The following TAS2R1 variants were observed in gnomAD, a reference collection of about 807,000 sequenced individuals.
TAS2R1 encodes the protein taste 2 receptor member 1.
For synonymous variants in TAS2R1, 141 were observed against 134.2 expected, an observed-to-expected ratio of 1.05 and a Z score of -0.35; for missense variants, 370 against 353.4, an observed-to-expected ratio of 1.05 and a Z score of -0.38.
chr5:9,719,958 C>T, the TAS2R1 span, among the ~76,000 whole-genome samples: 18 of 149,572 alleles, frequency 1.2e-4, no homozygotes, highest in Non-Finnish European at 2.2e-4. Flanking sequence ...AAACAAACTA[C>T]CCCTCTATGC....
the TAS2R1 span, among the ~76,000 whole-genome samples, chr5:9,755,621 A>C: frequency 2.0e-5 from 3 of 151,980 alleles, no homozygotes; most frequent in African/African-American, 7.2e-5. Flanking sequence ...ACAGAAAGTA[A>C]AGGAATAAAG....
the TAS2R1 span, among the ~76,000 whole-genome samples, chr5:9,774,456 C>T: frequency 6.6e-6 from 1 of 152,198 alleles, no homozygotes; most frequent in Non-Finnish European, 1.5e-5. Context: ...AGTGAGATCA[C>T]GTTTTCCTGG....
At chr5:9,676,726 T>C (rs1279447078) in intron 1 of TAS2R1, among the ~76,000 whole-genome samples, 1 of 152,114 alleles carries the variant, frequency 6.6e-6, no homozygotes, top group Non-Finnish European at 1.5e-5. Context: ...AATACCAAAA[T>C]GTAATCCATA....
chr5:9,833,345 T>C, the TAS2R1 span, among the ~76,000 whole-genome samples: 1 of 152,232 alleles, frequency 6.6e-6, no homozygotes, highest in Non-Finnish European at 1.5e-5. Flanking sequence ...CTTGATTTTT[T>C]CCCTTGGCTT....
chr5:9,853,360 G>A, the TAS2R1 span, among the ~76,000 whole-genome samples: 1 of 152,224 alleles, frequency 6.6e-6, no homozygotes, highest in Non-Finnish European at 1.5e-5. Flanking sequence ...TGAGCTCATG[G>A]TTAAACTCAC....
rs537848829 is a variant in TAS2R1, at chr5:9,627,446, C to T, written c.*1687G>A. Among the ~76,000 whole-genome samples the T allele has an allele frequency of 4.0e-5, 6 of 151,796 alleles. No homozygotes were observed. In the East Asian group the frequency reaches 5.8e-4, roughly 15 times the overall value. ...TCTTAATAGTTATCTAATTAGCTAACGTTATTAAAGCAGGAGTTGCATGAA... is the reference window on the plus strand; with the variant it reads ...TCTTAATAGTTATCTAATTAGCTAATGTTATTAAAGCAGGAGTTGCATGAA... On this transcript the variant is annotated 3_prime_UTR_variant, in exon 1 of 1. Transcript: ENST00000382492.
the TAS2R1 span, among the ~76,000 whole-genome samples, chr5:9,751,396 C>A: frequency 2.0e-5 from 3 of 151,394 alleles, no homozygotes; most frequent in South Asian, 6.3e-4. Flanking sequence ...GATGAAAAGA[C>A]CATATAATAT....
At chr5:9,873,014 T>A in the TAS2R1 span, among the ~76,000 whole-genome samples, 5 of 152,230 alleles carry the variant, frequency 3.3e-5, no homozygotes, top group Admixed American at 3.3e-4. Context: ...CAGGCAGACA[T>A]CACCACTCAG....
chr5:9,656,139 C>A (rs1740414266), intron 2 of TAS2R1, among the ~76,000 whole-genome samples: 1 of 152,152 alleles, frequency 6.6e-6, no homozygotes, highest in Non-Finnish European at 1.5e-5. Flanking sequence ...CAAGTGCCTA[C>A]CAAGCACAGT....
chr5:9,647,346 C>T (rs1037546701), intron 2 of TAS2R1, among the ~76,000 whole-genome samples: 1 of 152,144 alleles, frequency 6.6e-6, no homozygotes, highest in African/African-American at 2.4e-5. Flanking sequence ...GCACAGCCTC[C>T]ACAGAAGCAT....
the TAS2R1 span, among the ~76,000 whole-genome samples, chr5:9,791,430 G>A: frequency 1.3e-5 from 2 of 152,242 alleles, no homozygotes; most frequent in African/African-American, 4.8e-5. Flanking sequence ...CGGGTGCAGT[G>A]GCTCATGCCT....
rs35524938 is a variant in TAS2R1 at position 9,628,128 on chromosome 5, T to TTATCTATCTATCTATCTATC, written c.*985_*1004dup. 6.8e-6 allele frequency among the ~76,000 whole-genome samples: 1 copy of TTATCTATCTATCTATCTATC among 146,598 alleles called. No homozygotes were observed. The highest frequency in any genetic ancestry group is 1.5e-5 in the Non-Finnish European group (1 of 66,832). On this transcript the variant is annotated 3_prime_UTR_variant, in exon 1 of 1. Transcript: ENST00000382492. ...ATACAAGTATATCTATCTCCATAAT[T>TTATCTATCTATCTATCTATC]TATCTATCTATCTATCTATCTATCT... is the stretch of plus-strand genomic sequence containing the variant.
chr5:9,720,536 G>A, the TAS2R1 span, among the ~76,000 whole-genome samples: 1 of 152,226 alleles, frequency 6.6e-6, no homozygotes, highest in South Asian at 2.1e-4. Context: ...CTAACGCCAA[G>A]GGGAAGCGAA....
the TAS2R1 span, among the ~76,000 whole-genome samples, chr5:9,852,319 A>T: frequency 6.6e-6 from 1 of 152,056 alleles, no homozygotes; most frequent in Admixed American, 6.5e-5. Flanking sequence ...TGGATGACTT[A>T]ACTGTAGATC....
At chr5:9,680,495 C>T (rs1364679570) in intron 1 of TAS2R1, among the ~76,000 whole-genome samples, 1 of 152,120 alleles carries the variant, frequency 6.6e-6, no homozygotes, top group Non-Finnish European at 1.5e-5. Context: ...TCAAGTTCAA[C>T]ATCAACAGCC....
the TAS2R1 span, among the ~76,000 whole-genome samples, chr5:9,736,784 C>A: frequency 6.6e-6 from 1 of 152,132 alleles, no homozygotes; most frequent in East Asian, 1.9e-4. Context: ...TTATTTCAGT[C>A]CTGAGCTCCA....
At chr5:9,669,628 C>T (rs1411580895) in intron 1 of TAS2R1, among the ~76,000 whole-genome samples, 1 of 152,134 alleles carries the variant, frequency 6.6e-6, no homozygotes, top group Non-Finnish European at 1.5e-5. Flanking sequence ...CATACAATTA[C>T]ATGGAAATTA....
At chr5:9,769,481 A>G in the TAS2R1 span, among the ~76,000 whole-genome samples, 1 of 152,044 alleles carries the variant, frequency 6.6e-6, no homozygotes, top group Non-Finnish European at 1.5e-5. Context: ...CTAGTGAAGA[A>G]CCTCCAAACT....
intron 1 of TAS2R1, among the ~76,000 whole-genome samples, chr5:9,676,699 A>T (rs1740884180): frequency 6.6e-6 from 1 of 152,204 alleles, no homozygotes; most frequent in Non-Finnish European, 1.5e-5. Context: ...TGGATTTGGA[A>T]ATAAGATTTT....
Sources: allele counts gnomAD v4.1 joint callset (sites outside exome capture counted in the v4.1 genomes callset), GRCh38; gene constraint gnomAD v4.1.1; transcripts MANE v1.5; gene names NCBI Gene and HGNC (gene_info 2026-07-23, HGNC 2026-07-21).